Variants in PLA2G5 observed in about 807,000 individuals in gnomAD.
PLA2G5 encodes the protein Ca2+-dependent phospholipase A2.
PLA2G5 carries 12 observed loss-of-function variants against 15.9 expected under a neutral mutation model. The observed-to-expected ratio is 0.76, with a 90% CI of 0.48 to 1.23. The LOEUF (loss-of-function observed/expected upper bound fraction) is 1.23. Ranked by LOEUF, PLA2G5 falls within the 50% of genes most tolerant of loss-of-function variation. The pLI is 0.00. For missense variants in PLA2G5, 169 were observed against 177.1 expected (o/e 0.95, Z 0.26); for synonymous variants, 71 against 71.4 (o/e 0.99, Z 0.03).
intron 1 of PLA2G5, among the ~76,000 whole-genome samples, chr1:20,033,950 C>T (rs1199726465): frequency 2.0e-5 from 3 of 151,986 alleles, no homozygotes; most frequent in South Asian, 2.1e-4. Flanking sequence ...GGAGAGGAAG[C>T]CCTTCTTTAT....
intron 1 of PLA2G5, among the ~76,000 whole-genome samples, chr1:20,082,620 T>G (rs1310589875): frequency 6.6e-6 from 1 of 151,890 alleles, no homozygotes; most frequent in Non-Finnish European, 1.5e-5. Context: ...GCCCATCACC[T>G]GATGGTTGCC....
chr1:20,079,280 T>G (rs1037448137), intron 1 of PLA2G5, among the ~76,000 whole-genome samples: 6 of 152,196 alleles, frequency 3.9e-5, no homozygotes, highest in Admixed American at 2.6e-4. Flanking sequence ...TTAGCATTAC[T>G]CTGCCTTTGC....
chr1:20,083,767 G>A lies in PLA2G5; in HGVS notation c.-10-1054G>A, dbSNP rs886355124. Among the ~76,000 whole-genome samples, 19 of 151,726 alleles carry A rather than the reference G, an allele frequency of 1.3e-4. 2 individuals carry two copies. Among genetic ancestry groups the A allele is most frequent in the African/African-American group, 3.4e-4 (14 of 41,036 alleles). ...GGTGCAGTGAGGGGTGCAGAAGGAC[G>A]CGGCTCGAATCCAGCCTCCACTGCT... On this transcript the variant is annotated intron_variant, in intron 1 of 4. Coordinates refer to ENST00000375108, the MANE Select transcript of PLA2G5 (RefSeq NM_000929.3).
chr1:20,044,847 C>A (rs895755984), intron 1 of PLA2G5, among the ~76,000 whole-genome samples: 11 of 151,128 alleles, frequency 7.3e-5, no homozygotes, highest in African/African-American at 2.4e-4. Context: ...TCAGATGGGT[C>A]GGTAGAAAAG....
intron 2 of PLA2G5, among the ~76,000 whole-genome samples, chr1:20,085,546 C>T (rs1271250047): frequency 6.6e-6 from 1 of 152,150 alleles, no homozygotes; most frequent in Non-Finnish European, 1.5e-5. Flanking sequence ...CTAAGAGTCC[C>T]ATCCTGCTTT....
At chr1:20,064,997 A>G (rs918780069) in intron 2 of PLA2G5, among the ~76,000 whole-genome samples, 8 of 152,200 alleles carry the variant, frequency 5.3e-5, no homozygotes, top group African/African-American at 1.9e-4. Flanking sequence ...AAACATGTCA[A>G]ACACAAAATA....
chr1:20,067,917 G>C (rs1290821237), upstream of PLA2G5, among the ~76,000 whole-genome samples: 1 of 152,084 alleles, frequency 6.6e-6, no homozygotes, highest in Admixed American at 6.5e-5. Context: ...TAAGGAGTTC[G>C]TGACCAGCCT....
intron 1 of PLA2G5, among the ~76,000 whole-genome samples, chr1:20,043,471 A>G (rs1309064590): frequency 6.6e-6 from 1 of 152,074 alleles, no homozygotes; most frequent in East Asian, 1.9e-4. Context: ...TTAATGGGTT[A>G]GTAATGGGTG....
At chr1:20,065,683 A>G (rs2014987644), upstream of PLA2G5, among the ~76,000 whole-genome samples, 1 of 152,218 alleles carries the variant, frequency 6.6e-6, no homozygotes, top group Admixed American at 6.5e-5. Flanking sequence ...TCATCTATTG[A>G]AAACTCTTTT....
chr1:20,050,535 C>A (rs910053670), intron 1 of PLA2G5, among the ~76,000 whole-genome samples: 3 of 152,136 alleles, frequency 2.0e-5, no homozygotes, highest in Admixed American at 2.0e-4. Flanking sequence ...CTTCTTGAAG[C>A]ATTAACCAAC....
intron 1 of PLA2G5, among the ~76,000 whole-genome samples, chr1:20,072,900 C>T (rs373908248): frequency 1.3e-5 from 2 of 152,208 alleles, no homozygotes; most frequent in Admixed American, 6.5e-5. Flanking sequence ...AGAAACTTTT[C>T]GGTGCTTGCA....
chr1:20,089,610 C>T (rs1187820209), intron 3 of PLA2G5, among the ~76,000 whole-genome samples, 179 bp from the exon 4 acceptor site: 1 of 152,204 alleles, frequency 6.6e-6, no homozygotes, highest in Non-Finnish European at 1.5e-5. Flanking sequence ...GGTCCATGAC[C>T]TGCTGGCTAG....
intron 1 of PLA2G5, among the ~76,000 whole-genome samples, chr1:20,084,557 G>A (rs112719480): frequency 2.0e-4 from 31 of 152,318 alleles, no homozygotes; most frequent in African/African-American, 7.0e-4. Context: ...GGGTGAGTAT[G>A]TCTGGGGTGT....
intron 1 of PLA2G5, among the ~76,000 whole-genome samples, chr1:20,042,553 G>C (rs958403671): frequency 6.6e-6 from 1 of 152,158 alleles, no homozygotes; most frequent in African/African-American, 2.4e-5. Context: ...GGGAGATCTA[G>C]GGTGGGAGCA....
intron 1 of PLA2G5, among the ~76,000 whole-genome samples, chr1:20,052,818 T>G (rs1297006183): frequency 1.3e-5 from 2 of 152,186 alleles, no homozygotes; most frequent in Non-Finnish European, 1.5e-5. Flanking sequence ...CCTCCCATTC[T>G]ATTCAAAGTC....
intron 2 of PLA2G5, among the ~76,000 whole-genome samples, chr1:20,060,240 T>TC (rs1255271180): frequency 2.1e-5 from 3 of 142,348 alleles, no homozygotes; most frequent in South Asian, 2.3e-4. Context: ...TGACTTTCTT[T>TC]TTTCTTCTTT....
chr1:20,062,274 C>A (rs1490427983), intron 2 of PLA2G5, among the ~76,000 whole-genome samples: 2 of 152,180 alleles, frequency 1.3e-5, no homozygotes, highest in African/African-American at 4.8e-5. Context: ...AGACTGAGAA[C>A]CCCTGGAGAA....
chr1:20,066,930 G>A (rs944230217), upstream of PLA2G5, among the ~76,000 whole-genome samples: 1 of 152,152 alleles, frequency 6.6e-6, no homozygotes, highest in South Asian at 2.1e-4. Flanking sequence ...CTTTTGAGCT[G>A]AGTAGTTCGA....
upstream of PLA2G5, among the ~76,000 whole-genome samples, chr1:20,067,412 G>A (rs1368561570): frequency 6.6e-6 from 1 of 152,226 alleles, no homozygotes; most frequent in South Asian, 2.1e-4. Flanking sequence ...ATTAGGCCAG[G>A]TTTGGTGGCT....
Sources: allele counts gnomAD v4.1 joint callset (sites outside exome capture counted in the v4.1 genomes callset), GRCh38; gene constraint gnomAD v4.1.1; transcripts MANE v1.5; gene names NCBI Gene and HGNC (gene_info 2026-07-23, HGNC 2026-07-21).